Variants in SPINT2 observed in about 807,000 individuals in gnomAD.
SPINT2 encodes the protein serine peptidase inhibitor, Kunitz type 2.
A neutral mutation model predicts 30.1 loss-of-function variants in SPINT2; 18 were observed. The observed-to-expected ratio is 0.60, with a 90% confidence interval of 0.41 to 0.89. The LOEUF (loss-of-function observed/expected upper bound fraction) is 0.89. Among genes scored for constraint, SPINT2 ranks in the 40% least tolerant of loss-of-function variants. SPINT2 has a pLI of 0.00. For synonymous variants in SPINT2, 139 were observed against 137.9 expected (o/e 1.01, Z -0.05); for missense variants, 276 against 334.3 (o/e 0.83, Z 1.36).
Position 38,290,042 on chromosome 19 carries a change from C to T in SPINT2, c.392-77C>T. The stretch of plus-strand genomic sequence containing the variant: ...CTCCGTCTGCTGGAGCCGCAAGCCT[C>T]CTCAGGCACTTTCTGGCTTGCTTCC... On this transcript the variant is annotated intron_variant, in intron 4 of 6. Coordinates refer to ENST00000301244, the MANE Select transcript of SPINT2 (RefSeq NM_021102.4). This position sits in a 1 kb window ranked among gnomAD's most constrained non-coding sequence, Gnocchi z 4.3. 1 of 1,544,768 alleles carries T rather than the reference C, an allele frequency of 6.5e-7. No individual in the cohort carries two copies. Among genetic ancestry groups the T allele is most frequent in the Non-Finnish European group, 8.9e-7 (1 of 1,120,190 alleles).
chr19:38,288,017 C>A, intron 3 of SPINT2, 82 bp downstream of exon 3: 1 of 1,497,698 alleles, frequency 6.7e-7, no homozygotes, highest in Non-Finnish European at 9.3e-7. Context: ...TGGGAACTGT[C>A]ACAGGCTTCC....
intron 1 of SPINT2, among the ~76,000 whole-genome samples, chr19:38,280,619 C>A (rs1968569657): frequency 6.6e-6 from 1 of 152,136 alleles, no homozygotes; most frequent in African/African-American, 2.4e-5. Context: ...AGGTAACTGC[C>A]ATCCATCCCT....
chr19:38,290,804 T>A lies in SPINT2; in HGVS notation c.592+229T>A. The A allele has an allele frequency of 9.4e-6, 6 of 638,252 alleles. No individual in the cohort carries two copies. In the Admixed American group the frequency reaches 1.2e-4, roughly 13 times the overall value. The allele number at this position is 638,252 out of a possible 1,614,324, so 39.5% of individuals were successfully genotyped here. On this transcript the variant is annotated intron_variant, in intron 6 of 6. Transcript: ENST00000301244. The surrounding 1 kb of genome is among the most constrained non-coding windows in gnomAD (Gnocchi z 4.3). ...CAAGGCAGGCCCTGCCCAGGCGGCG[T>A]GGGTGACTGGGGATGAGGTCTTCCT...
chr19:38,288,567 G>A (rs866147172), intron 3 of SPINT2: 4 of 199,778 alleles, frequency 2.0e-5, no homozygotes, highest in Admixed American at 1.1e-4. Context: ...GACTCTGGGA[G>A]GCTGCTGTGG....
At chr19:38,279,380 C>G (rs537526017) in intron 1 of SPINT2, among the ~76,000 whole-genome samples, 89 of 151,838 alleles carry the variant, frequency 5.9e-4, no homozygotes, top group African/African-American at 1.9e-3. Flanking sequence ...TCCTATAATC[C>G]CAGCTACTCA....
intron 1 of SPINT2, among the ~76,000 whole-genome samples, chr19:38,276,222 AG>A (rs2146270142): frequency 6.6e-6 from 1 of 152,268 alleles, no homozygotes; most frequent in African/African-American, 2.4e-5. Context: ...GCATTTCAGG[AG>A]TGGCTTTGGG....
At chr19:38,280,514 G>C (rs1311355652) in intron 1 of SPINT2, among the ~76,000 whole-genome samples, 2 of 152,064 alleles carry the variant, frequency 1.3e-5, no homozygotes, top group Non-Finnish European at 2.9e-5. Flanking sequence ...TGAGGCCAGT[G>C]CTCCTGTGTC....
intron 1 of SPINT2, 46 bp downstream of exon 1, chr19:38,265,044 G>A: frequency 2.7e-6 from 4 of 1,477,440 alleles, no homozygotes; most frequent in Non-Finnish European, 3.6e-6. Flanking sequence ...AGGGGGCAGA[G>A]GCTCGGGGGT....
intron 1 of SPINT2, among the ~76,000 whole-genome samples, chr19:38,274,892 T>C (rs1454379944): frequency 6.6e-6 from 1 of 151,612 alleles, no homozygotes; most frequent in Non-Finnish European, 1.5e-5. Context: ...CTGGAGAGAC[T>C]CTGGATCTGC....
At chr19:38,285,319 G>C (rs1282972856) in intron 2 of SPINT2, among the ~76,000 whole-genome samples, 1 of 152,094 alleles carries the variant, frequency 6.6e-6, no homozygotes, top group African/African-American at 2.4e-5. Flanking sequence ...GAGACCCGAG[G>C]GTTTGGCCAT....
intron 1 of SPINT2, among the ~76,000 whole-genome samples, chr19:38,275,160 C>T (rs1186055454): frequency 6.6e-6 from 1 of 152,210 alleles, no homozygotes; most frequent in Non-Finnish European, 1.5e-5. Context: ...GAGAAGACCA[C>T]AAGCACGGTT....
At chr19:38,283,024 T>C (rs1968598006) in intron 1 of SPINT2, among the ~76,000 whole-genome samples, 1 of 151,460 alleles carries the variant, frequency 6.6e-6, no homozygotes, top group Admixed American at 6.6e-5. Context: ...TTTTAAGTCA[T>C]GTTTCCATTG....
In SPINT2 at chr19:38,290,328, C is replaced by A; in HGVS notation, c.553+48C>A. 1 of 1,599,130 alleles carries A rather than the reference C, an allele frequency of 6.3e-7. No homozygotes were observed. Among genetic ancestry groups the A allele is most frequent in the Non-Finnish European group, 8.5e-7 (1 of 1,173,638 alleles). ...CAGGAAGCCCTGCCCTTGAGGACCC[C>A]GGTCCATCTCCCCATCCCTAAAATA... On this transcript the variant is annotated intron_variant, in intron 5 of 6. Transcript: ENST00000301244. The surrounding 1 kb of genome is among the most constrained non-coding windows in gnomAD (Gnocchi z 4.3).
In SPINT2 at chr19:38,290,368, A is replaced by T. The variant is rs1382537260; in HGVS notation, c.553+88A>T. 60 of 1,580,282 alleles carry T rather than the reference A, an allele frequency of 3.8e-5. No individual in the cohort carries two copies. Among genetic ancestry groups the T allele is most frequent in the Non-Finnish European group, 4.8e-5 (56 of 1,163,724 alleles). On this transcript the variant is annotated intron_variant, in intron 5 of 6. Coordinates refer to ENST00000301244, the MANE Select transcript of SPINT2 (RefSeq NM_021102.4). This position sits in a 1 kb window ranked among gnomAD's most constrained non-coding sequence, Gnocchi z 4.3. ...TCCCTAAAATATGAAGGCCTTGGAAATGCTGTTCTTGGGCCCACCAGGGCA... is the reference window on the plus strand; with the variant it reads ...TCCCTAAAATATGAAGGCCTTGGAATTGCTGTTCTTGGGCCCACCAGGGCA...
intron 1 of SPINT2, among the ~76,000 whole-genome samples, chr19:38,268,642 CTG>C (rs921617788): frequency 3.9e-5 from 6 of 152,178 alleles, no homozygotes; most frequent in African/African-American, 1.2e-4. Context: ...CCCTCTGTCT[CTG>C]TAGGCCTTTG....
rs368915701 is a variant in SPINT2, at chr19:38,290,291, A to G, written c.553+11A>G. On this transcript the variant is annotated intron_variant, in intron 5 of 6. Transcript: ENST00000301244. This position sits in a 1 kb window ranked among gnomAD's most constrained non-coding sequence, Gnocchi z 4.3. ...TGCTCCGCTGCTTCCGTAAGTCTGC[A>G]GCCCCTCAGCCCAGGAAGCCCTGCC... 76 of 1,610,674 alleles carry G rather than the reference A, an allele frequency of 4.7e-5. No homozygotes were observed. The highest frequency in any genetic ancestry group is 5.9e-5 in the Non-Finnish European group (69 of 1,179,390).
intron 1 of SPINT2, among the ~76,000 whole-genome samples, chr19:38,270,174 C>T (rs1288756341): frequency 6.6e-6 from 1 of 152,160 alleles, no homozygotes; most frequent in Non-Finnish European, 1.5e-5. Context: ...CTCCTCACCC[C>T]CATGGATAGT....
At chr19:38,269,613 T>C (rs1968424929) in intron 1 of SPINT2, among the ~76,000 whole-genome samples, 1 of 145,176 alleles carries the variant, frequency 6.9e-6, no homozygotes, top group African/African-American at 2.5e-5. Flanking sequence ...TTTTCTTTTT[T>C]TTTTTTTTTT....
Position 38,290,547 on chromosome 19 carries a change from G to A in SPINT2, c.564G>A (p.Glu188=), listed in dbSNP as rs749191665. The change falls in exon 6 of 7, where the codon GAG becomes GAA. Residue 188 remains glutamate, a synonymous_variant. Coordinates refer to ENST00000301244, the MANE Select transcript of SPINT2 (RefSeq NM_021102.4). The surrounding 1 kb of genome is among the most constrained non-coding windows in gnomAD (Gnocchi z 4.3). ...ACMLRCFRQQ[E]NPPLPLGSKV... ...TGTGTTCTCTTCCAGGCCAGCAGGA[G>A]AATCCTCCCCTGCCCCTTGGCTCAA... The A allele has an allele frequency of 6.2e-7, 1 of 1,614,072 alleles. No individual in the cohort carries two copies. The highest frequency in any genetic ancestry group is 8.5e-7 in the Non-Finnish European group (1 of 1,180,012).
Sources: gnomAD v4.1 joint callset for allele counts (sites outside exome capture counted in the v4.1 genomes callset) on GRCh38, gnomAD v4.1.1 for gene constraint, Gnocchi (gnomAD v3.1) non-coding constraint, MANE v1.5 for transcripts, NCBI Gene and HGNC (gene_info 2026-07-23, HGNC 2026-07-21) for gene names.